TRDN: variants seen among roughly 807,000 people sequenced by gnomAD.
The protein encoded by TRDN is triadin.
TRDN carries 161 observed loss-of-function variants against 149.7 expected under a neutral mutation model. The ratio of observed to expected loss-of-function variants is 1.08; its 90% CI spans 0.95 to 1.23. The LOEUF is 1.23. Ranked by LOEUF, TRDN falls within the 50% of genes most tolerant of loss-of-function variation. The pLI is 0.00. For missense variants in TRDN, 896 were observed against 823.5 expected, an observed-to-expected ratio of 1.09 and a Z score of -1.08; for synonymous variants, 294 against 250.5, an observed-to-expected ratio of 1.17 and a Z score of -1.64.
At chr6:123,243,536 A>G (rs1412672322) in intron 38 of TRDN, among the ~76,000 whole-genome samples, 1 of 152,226 alleles carries the variant, frequency 6.6e-6, no homozygotes, top group Non-Finnish European at 1.5e-5. Context: ...AGAAGTCAGG[A>G]AAACAATTTA....
chr6:123,240,206 A>G lies in TRDN; in HGVS notation c.1975+12206T>C, dbSNP rs553557325. On this transcript the variant is annotated intron_variant, in intron 38 of 40. Coordinates refer to ENST00000334268, the MANE Select transcript of TRDN (RefSeq NM_006073.4). ...TTTGTATTATCCAGTTTTCAAATAT[A>G]TGTTACTTTGTATGTATCAGAAACT... 7.9e-5 allele frequency among the ~76,000 whole-genome samples: 12 copies of G among 152,054 alleles called. No individual in the cohort carries two copies. In the East Asian group the frequency reaches 1.4e-3, roughly 17 times the overall value.
At chr6:123,342,763 T>C (rs1019779876) in intron 21 of TRDN, among the ~76,000 whole-genome samples, 2 of 151,998 alleles carry the variant, frequency 1.3e-5, no homozygotes, top group African/African-American at 2.4e-5. Flanking sequence ...GATTATAAAG[T>C]AGATATCACC....
At chr6:123,632,688 C>A (rs1228117627) in intron 1 of TRDN, among the ~76,000 whole-genome samples, 4 of 151,994 alleles carry the variant, frequency 2.6e-5, no homozygotes, top group Admixed American at 6.6e-5. Context: ...GTGCTACATC[C>A]CTTTGTACCC....
chr6:123,550,192 A>G (rs542277205), intron 2 of TRDN, among the ~76,000 whole-genome samples: 2 of 152,062 alleles, frequency 1.3e-5, no homozygotes, highest in Non-Finnish European at 2.9e-5. Flanking sequence ...AAGTTGACCC[A>G]GAGACACTTT....
intron 26 of TRDN, among the ~76,000 whole-genome samples, chr6:123,276,890 C>A (rs1777386729): frequency 6.6e-6 from 1 of 152,078 alleles, no homozygotes; most frequent in Admixed American, 6.6e-5. Context: ...AATGGGACCT[C>A]CTGTGGTGGA....
chr6:123,485,903 C>G (rs1187323514), intron 9 of TRDN, among the ~76,000 whole-genome samples: 1 of 151,946 alleles, frequency 6.6e-6, no homozygotes, highest in African/African-American at 2.4e-5. Flanking sequence ...ACCATTTTCT[C>G]TTTTATTTGC....
At chr6:123,238,709 T>C (rs970679292) in intron 38 of TRDN, among the ~76,000 whole-genome samples, 8 of 152,168 alleles carry the variant, frequency 5.3e-5, no homozygotes, top group African/African-American at 1.7e-4. Context: ...TAGACACATA[T>C]ATAAAACATC....
At position 123,472,354 on chromosome 6, in the gene TRDN, G is replaced by A. The variant is rs139146762; in HGVS notation, c.854-7371C>T. Among the ~76,000 whole-genome samples, 13 of 152,326 alleles carry A rather than the reference G, an allele frequency of 8.5e-5. No individual in the cohort carries two copies. In the East Asian group the frequency reaches 1.5e-3, roughly 18 times the overall value. On this transcript the variant is annotated intron_variant, in intron 9 of 40. Transcript: ENST00000334268. The stretch of plus-strand genomic sequence containing the variant: ...CTGGAAAATCGGGTCACTCCCACCC[G>A]AATACTGCGCTTTTCCGACAGGCTT...
intron 12 of TRDN, among the ~76,000 whole-genome samples, chr6:123,435,889 A>C (rs1295833904): frequency 1.3e-5 from 2 of 152,018 alleles, no homozygotes; most frequent in African/African-American, 2.4e-5. Flanking sequence ...CTAATAACAC[A>C]GGTCTCCCAG....
chr6:123,323,848 C>G (rs1355910216), intron 23 of TRDN, among the ~76,000 whole-genome samples: 1 of 152,176 alleles, frequency 6.6e-6, no homozygotes, highest in East Asian at 1.9e-4. Flanking sequence ...TCTTTTATGC[C>G]TACTTATATG....
chr6:123,240,710 T>C (rs1476806136), intron 38 of TRDN, among the ~76,000 whole-genome samples: 2 of 151,956 alleles, frequency 1.3e-5, no homozygotes, highest in Non-Finnish European at 3.0e-5. Flanking sequence ...ACTTGTTCTA[T>C]AACTACATCC....
At chr6:123,234,588 A>G (rs1251739359) in intron 38 of TRDN, among the ~76,000 whole-genome samples, 1 of 152,170 alleles carries the variant, frequency 6.6e-6, no homozygotes, top group Non-Finnish European at 1.5e-5. Context: ...TTTTTAATTT[A>G]GAAAAAGAAA....
At chr6:123,351,865 G>A in intron 21 of TRDN, 1 of 984,598 alleles carries the variant, frequency 1.0e-6, no homozygotes, top group Non-Finnish European at 1.2e-6. Context: ...TAGCACACTT[G>A]AGCTCTAAGA....
At chr6:123,570,396 G>A (rs1004029703) in intron 2 of TRDN, among the ~76,000 whole-genome samples, 1 of 152,112 alleles carries the variant, frequency 6.6e-6, no homozygotes, top group African/African-American at 2.4e-5. Context: ...ATGTAATTTT[G>A]TGAAAAACTC....
At chr6:123,448,678 G>A (rs577143830) in intron 10 of TRDN, among the ~76,000 whole-genome samples, 52 of 151,994 alleles carry the variant, frequency 3.4e-4, no homozygotes, top group African/African-American at 9.2e-4. Flanking sequence ...AAAAGGCCAC[G>A]CCCACTACTG....
At chr6:123,604,007 C>T (rs1200363366) in intron 1 of TRDN, among the ~76,000 whole-genome samples, 4 of 151,590 alleles carry the variant, frequency 2.6e-5, no homozygotes, top group Non-Finnish European at 5.9e-5. Context: ...AACATTATAC[C>T]TATCTGGAAT....
chr6:123,291,911 G>T (rs1778024768), intron 24 of TRDN, among the ~76,000 whole-genome samples: 1 of 152,134 alleles, frequency 6.6e-6, no homozygotes, highest in Non-Finnish European at 1.5e-5. Context: ...TATGACTGCT[G>T]TTGTGGTCTG....
chr6:123,221,400 G>A (rs1195314725), intron 40 of TRDN, 87 bp downstream of exon 40: 3 of 915,382 alleles, frequency 3.3e-6, no homozygotes, highest in Admixed American at 6.6e-5. Context: ...TTCGAATACT[G>A]GTCTTAAGAG....
chr6:123,293,341 T>C (rs1778078488), intron 24 of TRDN, among the ~76,000 whole-genome samples: 1 of 152,166 alleles, frequency 6.6e-6, no homozygotes, highest in African/African-American at 2.4e-5. Flanking sequence ...TGTGTATCTA[T>C]ATCTCCAGTG....
Sources: gnomAD v4.1 joint callset for allele counts (sites outside exome capture counted in the v4.1 genomes callset) on GRCh38, gnomAD v4.1.1 for gene constraint, MANE v1.5 for transcripts, NCBI Gene and HGNC (gene_info 2026-07-23, HGNC 2026-07-21) for gene names.